Variants in STEAP2 observed in about 807,000 individuals in gnomAD.
STEAP2 encodes the protein metalloreductase STEAP2.
Under a neutral mutation model 46.4 loss-of-function variants are expected in STEAP2, and 30 were observed. The ratio of observed to expected loss-of-function variants is 0.65; its 90% CI spans 0.48 to 0.88. The LOEUF is 0.88. STEAP2 is among the 40% of genes least tolerant of loss of function. The probability of loss-of-function intolerance (pLI) is 0.00; values close to 1 mark genes in which losing one functional copy is unlikely to be tolerated. For synonymous variants in STEAP2, 180 were observed against 200.5 expected, an observed-to-expected ratio of 0.90 and a Z score of 0.86; for missense variants, 513 against 579.3, an observed-to-expected ratio of 0.89 and a Z score of 1.18.
chr7:90,229,097 A>G (rs1035361103), intron 4 of STEAP2, among the ~76,000 whole-genome samples: 2 of 152,154 alleles, frequency 1.3e-5, no homozygotes, highest in African/African-American at 4.8e-5. Context: ...CCAATACTTG[A>G]TTTATACTCT....
At chr7:90,213,272 C>T (rs548617111) in intron 1 of STEAP2, among the ~76,000 whole-genome samples, 7 of 152,104 alleles carry the variant, frequency 4.6e-5, no homozygotes. Context: ...TTTTATTGTA[C>T]TGGTGCTATG....
In STEAP2 at chr7:90,236,832, T is replaced by C; in HGVS notation, c.*4208T>C. Reference sequence around the variant, plus strand: ...AATTAAATCACAAAAGCAGATGCTTTTGTATGATCTCCAAATTGCCAACTT... The same window carrying C: ...AATTAAATCACAAAAGCAGATGCTTCTGTATGATCTCCAAATTGCCAACTT... On this transcript the variant is annotated 3_prime_UTR_variant, in exon 6 of 6. Coordinates refer to ENST00000394621, the MANE Select transcript of STEAP2 (RefSeq NM_001244944.2). 6.2e-7 allele frequency: 1 copy of C among 1,608,160 alleles called. No homozygotes were observed. The highest frequency in any genetic ancestry group is 8.5e-7 in the Non-Finnish European group (1 of 1,177,330).
downstream of STEAP2, among the ~76,000 whole-genome samples, chr7:90,238,855 AT>A (rs1796025572): frequency 6.6e-6 from 1 of 152,174 alleles, no homozygotes; most frequent in African/African-American, 2.4e-5. Flanking sequence ...CAAAATCCAG[AT>A]TTGTTGAGAC....
At chr7:90,227,531 A>G (rs1276579721) in intron 4 of STEAP2, 33 bp downstream of exon 4, 3 of 1,482,840 alleles carry the variant, frequency 2.0e-6, no homozygotes, top group Non-Finnish European at 2.7e-6. Context: ...ATCTGATGCT[A>G]GTAAAATACT....
intron 4 of STEAP2, among the ~76,000 whole-genome samples, chr7:90,229,453 A>T (rs966103665): frequency 6.6e-6 from 1 of 152,174 alleles, no homozygotes; most frequent in Non-Finnish European, 1.5e-5. Flanking sequence ...AAGTTGAACT[A>T]AGGCCAGACT....
chr7:90,224,758 G>A (rs1035145223), intron 2 of STEAP2, among the ~76,000 whole-genome samples: 6 of 152,160 alleles, frequency 3.9e-5, no homozygotes, highest in Admixed American at 1.3e-4. Flanking sequence ...ACATTTTAAC[G>A]AGATTCCGAA....
Position 90,234,347 on chromosome 7 carries a change from C to T in STEAP2, c.*1723C>T. ...TAGGCAAGATACAATTATATGCGTT[C>T]CTCTTCCTGAAATTATAACATTTCT... On this transcript the variant is annotated 3_prime_UTR_variant, in exon 6 of 6. Coordinates refer to ENST00000394621, the MANE Select transcript of STEAP2 (RefSeq NM_001244944.2). 9.1e-6 allele frequency: 9 copies of T among 985,098 alleles called. No homozygotes were observed. The highest frequency in any genetic ancestry group is 1.1e-5 in the Non-Finnish European group (9 of 829,806). 61.0% of individuals were successfully genotyped at this position (985,098 alleles called of 1,614,324 possible).
chr7:90,223,515 A>T (rs1233550222), intron 2 of STEAP2, among the ~76,000 whole-genome samples: 1 of 152,222 alleles, frequency 6.6e-6, no homozygotes, highest in East Asian at 1.9e-4. Context: ...TCCCTATGTC[A>T]TAGCGATGGT....
At position 90,235,668 on chromosome 7, in the gene STEAP2, G is replaced by T. The variant is rs1249716492; in HGVS notation, c.*3044G>T. 1 of 935,118 alleles carries T rather than the reference G, an allele frequency of 1.1e-6. No homozygotes were observed. The highest frequency in any genetic ancestry group is 1.3e-6 in the Non-Finnish European group (1 of 784,328). The allele number at this position is 935,118 out of a possible 1,614,324, so 57.9% of individuals were successfully genotyped here. On this transcript the variant is annotated 3_prime_UTR_variant, in exon 6 of 6. Coordinates refer to ENST00000394621, the MANE Select transcript of STEAP2 (RefSeq NM_001244944.2). ...CCTATGAGGAAAATAACCATGAGCT[G>T]TATCATGCTACTTAGCTTTTATGTA...
chr7:90,235,319 A>G lies in STEAP2; in HGVS notation c.*2695A>G. On this transcript the variant is annotated 3_prime_UTR_variant, in exon 6 of 6. Coordinates refer to ENST00000394621, the MANE Select transcript of STEAP2 (RefSeq NM_001244944.2). Reference sequence around the variant, plus strand: ...TGAAGTTTTAGAATAAATGTAATATATTTACTATAATTCTAAATGTTTAAA... The same window carrying G: ...TGAAGTTTTAGAATAAATGTAATATGTTTACTATAATTCTAAATGTTTAAA... 1 of 950,836 alleles carries G rather than the reference A, an allele frequency of 1.1e-6. No individual in the cohort carries two copies. Among genetic ancestry groups the G allele is most frequent in the Non-Finnish European group, 1.3e-6 (1 of 798,384 alleles). 58.9% of individuals were successfully genotyped at this position (950,836 alleles called of 1,614,324 possible). A position where few individuals can be genotyped will look rare whatever the true frequency, so the allele number is the denominator to read the frequency against.
In STEAP2 at chr7:90,235,623, A is replaced by AG. The variant is rs1184329759; in HGVS notation, c.*2999_*3000insG. 1.8e-5 allele frequency: 18 copies of AG among 982,754 alleles called. No individual in the cohort carries two copies. The highest frequency in any genetic ancestry group is 2.2e-5 in the Non-Finnish European group (18 of 827,744). 60.9% of individuals were successfully genotyped at this position (982,754 alleles called of 1,614,324 possible). A position where few individuals can be genotyped will look rare whatever the true frequency, so the allele number is the denominator to read the frequency against. ...CTCAGTCTTAATCCTATGCAAAAAA[A>AG]AAAATCAAGTAATTGTTTTCCTATG... On this transcript the variant is annotated 3_prime_UTR_variant, in exon 6 of 6. Transcript: ENST00000394621.
chr7:90,225,103 G>A lies in STEAP2; in HGVS notation c.21G>A (p.Met7Ile), dbSNP rs1795424016. Residue 7 changes from methionine to isoleucine, a missense_variant, in exon 3 of 6, where the codon ATG becomes ATA. Coordinates refer to ENST00000394621, the MANE Select transcript of STEAP2 (RefSeq NM_001244944.2). MESISM[M>I]GSPKSLSETF... The stretch of plus-strand genomic sequence containing the variant: ...GTATCATGGAATCAATCTCTATGAT[G>A]GGAAGCCCTAAGAGCCTTAGTGAAA... The A allele has an allele frequency of 6.2e-7, 1 of 1,613,458 alleles. No individual in the cohort carries two copies. The highest frequency in any genetic ancestry group is 1.1e-5 in the South Asian group (1 of 91,012).
At chr7:90,229,785 G>A (rs1311233197) in intron 4 of STEAP2, 87 bp from the exon 5 acceptor site, 13 of 1,530,770 alleles carry the variant, frequency 8.5e-6, no homozygotes, top group Non-Finnish European at 1.1e-5. Flanking sequence ...TATATGACCA[G>A]GTTCTTCTTA....
rs180926695 is a variant in STEAP2, at chr7:90,217,232, T to C, written c.-34+629T>C. Among the ~76,000 whole-genome samples the C allele has an allele frequency of 9.5e-4, 144 of 152,358 alleles. 3 individuals are homozygous for C. The highest frequency in any genetic ancestry group is 4.2e-3 in the Admixed American group (64 of 15,298). ...TGGAGTTTTTGGGGAATCCATCACCTTGAGTATTTATCATATCTATGTGTT... is the reference window on the plus strand; with the variant it reads ...TGGAGTTTTTGGGGAATCCATCACCCTGAGTATTTATCATATCTATGTGTT... On this transcript the variant is annotated intron_variant, in intron 2 of 5. Transcript: ENST00000394621.
rs775656434 is a variant in STEAP2, at chr7:90,225,153, G to T, written c.71G>T (p.Gly24Val). The change falls in exon 3 of 6, where the codon GGT (glycine) becomes GTT (valine). Residue 24 changes from glycine to valine, a missense_variant. Gly to Val is a moderately radical substitution (Grantham distance 109). Coordinates refer to ENST00000394621, the MANE Select transcript of STEAP2 (RefSeq NM_001244944.2). Reference protein sequence around the residue: ...SETFLPNGINGIKDARKVTVG... With the variant: ...SETFLPNGINVIKDARKVTVG... ...ACTTTTTTACCTAATGGCATAAATG[G>T]TATCAAAGATGCAAGGAAGGTCACT... is the stretch of plus-strand genomic sequence containing the variant. 6.2e-7 allele frequency: 1 copy of T among 1,613,900 alleles called. No homozygotes were observed. Among genetic ancestry groups the T allele is most frequent in the Non-Finnish European group, 8.5e-7 (1 of 1,179,914 alleles).
Position 90,216,505 on chromosome 7 carries a change from A to G in STEAP2, c.-132A>G, listed in dbSNP as rs1221259942. The G allele has an allele frequency of 6.6e-6, 1 of 152,222 alleles. No homozygotes were observed. The highest frequency in any genetic ancestry group is 2.4e-5 in the African/African-American group (1 of 41,458). 9.4% of individuals were successfully genotyped at this position (152,222 alleles called of 1,614,324 possible). A position where few individuals can be genotyped will look rare whatever the true frequency, so the allele number is the denominator to read the frequency against. ...GCCTTTCCCAGAAAGTGAAGAGAGGAAATTGGAAAATTGTGAGTGGACCTT... is the reference window on the plus strand; with the variant it reads ...GCCTTTCCCAGAAAGTGAAGAGAGGGAATTGGAAAATTGTGAGTGGACCTT... On this transcript the variant is annotated 5_prime_UTR_variant, in exon 2 of 6. Coordinates refer to ENST00000394621, the MANE Select transcript of STEAP2 (RefSeq NM_001244944.2).
downstream of STEAP2, among the ~76,000 whole-genome samples, chr7:90,239,457 G>C (rs937143606): frequency 2.6e-5 from 4 of 152,160 alleles, no homozygotes; most frequent in Non-Finnish European, 4.4e-5. Flanking sequence ...AAGGTTCATA[G>C]AATCAAAACA....
Position 90,237,046 on chromosome 7 carries a change from C to A in STEAP2, c.*4422C>A, listed in dbSNP as rs1044977771. 5.9e-6 allele frequency: 8 copies of A among 1,347,452 alleles called. No homozygotes were observed. In the African/African-American group the frequency reaches 1.2e-4, roughly 20 times the overall value. The allele number at this position is 1,347,452 out of a possible 1,614,324, so 83.5% of individuals were successfully genotyped here. A position where few individuals can be genotyped will look rare whatever the true frequency, so the allele number is the denominator to read the frequency against. Reference sequence around the variant, plus strand: ...TGAGTGTTGGCCAGTGAGATGAAGTCTCCTCAAAGGAAGGCAGCATGTGTC... The same window carrying A: ...TGAGTGTTGGCCAGTGAGATGAAGTATCCTCAAAGGAAGGCAGCATGTGTC... On this transcript the variant is annotated 3_prime_UTR_variant, in exon 6 of 6. Coordinates refer to ENST00000394621, the MANE Select transcript of STEAP2 (RefSeq NM_001244944.2).
chr7:90,236,697 A>C lies in STEAP2; in HGVS notation c.*4073A>C. 7.5e-7 allele frequency: 1 copy of C among 1,333,204 alleles called. No homozygotes were observed. Among genetic ancestry groups the C allele is most frequent in the Non-Finnish European group, 9.6e-7 (1 of 1,045,578 alleles). 82.6% of individuals were successfully genotyped at this position (1,333,204 alleles called of 1,614,324 possible). ...TATGTTACTAAAAAATGTTTTGTTC[A>C]GCCTAACATACTGAGTTTTTTTTAA... is the stretch of plus-strand genomic sequence containing the variant. On this transcript the variant is annotated 3_prime_UTR_variant, in exon 6 of 6. Transcript: ENST00000394621.
Sources: gnomAD v4.1 joint callset for allele counts (sites outside exome capture counted in the v4.1 genomes callset) on GRCh38, gnomAD v4.1.1 for gene constraint, MANE v1.5 for transcripts, NCBI Gene and HGNC (gene_info 2026-07-23, HGNC 2026-07-21) for gene names.